TINF2: variants seen among roughly 807,000 people sequenced by gnomAD.
TINF2 encodes TERF1-interacting nuclear factor 2.
TINF2 carries 27 observed loss-of-function variants against 50.4 expected under a neutral mutation model. The observed-to-expected ratio is 0.54, with a 90% CI of 0.40 to 0.74. The LOEUF (loss-of-function observed/expected upper bound fraction) is 0.74, where lower values mean the gene tolerates loss of function less well. Among genes scored for constraint, TINF2 ranks in the 30% least tolerant of loss-of-function variants. The pLI, the probability that TINF2 is intolerant of heterozygous loss-of-function variation, is 0.00. For synonymous variants in TINF2, 223 were observed against 214.6 expected (o/e 1.04, Z -0.34); for missense variants, 496 against 551.5 (o/e 0.90, Z 1.01).
In TINF2 at chr14:24,241,750, CA is replaced by C; in HGVS notation, c.323del (p.Leu108TrpfsTer11). 6.2e-7 allele frequency: 1 copy of C among 1,613,732 alleles called. No individual in the cohort carries two copies. Among genetic ancestry groups the C allele is most frequent in the Non-Finnish European group, 8.5e-7 (1 of 1,179,860 alleles). Reference sequence around the variant, plus strand: ...GCTGGTAAAAAGTTTCCTGTGCCTCCAAAATCTTCCTCAGATCCTGCTTTGT... The same window carrying C: ...GCTGGTAAAAAGTTTCCTGTGCCTCCAAATCTTCCTCAGATCCTGCTTTGT... ...KATKQDLRKI[L>X]EAQETFYQQV... On this transcript the variant is annotated frameshift_variant, in exon 3 of 9. Coordinates refer to ENST00000267415, the MANE Select transcript of TINF2 (RefSeq NM_001099274.3). LOFTEE classifies it high-confidence loss of function.
chr14:24,242,047 A>C (rs749096002), intron 1 of TINF2, 53 bp from the exon 2 acceptor site: 3 of 1,614,020 alleles, frequency 1.9e-6, no homozygotes, highest in Non-Finnish European at 2.5e-6. Context: ...GACCTTTTCC[A>C]ACTAGTCTCA....
At chr14:24,239,965 C>T (rs759132865) in intron 8 of TINF2, 34 bp from the exon 9 acceptor site, 5 of 1,614,152 alleles carry the variant, frequency 3.1e-6, no homozygotes, top group South Asian at 2.2e-5. Context: ...GCCTACTATC[C>T]GAAACCATTC....
rs1566368088 is a variant in TINF2 at position 24,241,127 on chromosome 14, G to A, written c.508-11C>T. 6.2e-7 allele frequency: 1 copy of A among 1,614,118 alleles called. No homozygotes were observed. Among genetic ancestry groups the A allele is most frequent in the Non-Finnish European group, 8.5e-7 (1 of 1,180,016 alleles). On this transcript the variant is annotated splice_polypyrimidine_tract_variant and intron_variant, in intron 4 of 8. Transcript: ENST00000267415. ...CAGCACATCCTGAAGCTGTGGGCAG[G>A]GACAGAGGTATGAAGACCACAATCC...
In TINF2 at chr14:24,239,643, T is replaced by C. The variant is rs2040519978; in HGVS notation, c.*154A>G. On this transcript the variant is annotated 3_prime_UTR_variant, in exon 9 of 9. Coordinates refer to ENST00000267415, the MANE Select transcript of TINF2 (RefSeq NM_001099274.3). ...TCCCCTCCTTCACATCAAGGCAGTA[T>C]TTTAACAAATCCAAAGTTTAATTAT... 1.3e-6 allele frequency: 2 copies of C among 1,535,790 alleles called. No individual in the cohort carries two copies. Among genetic ancestry groups the C allele is most frequent in the Non-Finnish European group, 1.7e-6 (2 of 1,144,936 alleles).
In TINF2 at chr14:24,241,286, G is replaced by C. The variant is rs770995315; in HGVS notation, c.425C>G (p.Pro142Arg). The change falls in exon 4 of 9, where the codon CCC becomes CGC. Residue 142 changes from proline to arginine, a missense_variant. By Grantham distance (103) the Pro-to-Arg change is moderately radical. Around this residue, in one of 3 missense-constraint regions of TINF2, gnomAD observed 314 missense variants for 343.8 expected, o/e 0.91. Coordinates refer to ENST00000267415, the MANE Select transcript of TINF2 (RefSeq NM_001099274.3). The stretch of plus-strand genomic sequence containing the variant: ...CAGCTTTTCCATGGCAGCCAGAAAG[G>C]GTTCCCCATACTCTTGTTCAAGTTC... ...LQELEQEYGEPFLAAMEKLLF... is the reference protein window; with the variant it reads ...LQELEQEYGERFLAAMEKLLF... The C allele has an allele frequency of 1.9e-6, 3 of 1,614,102 alleles. No homozygotes were observed. The highest frequency in any genetic ancestry group is 2.5e-6 in the Non-Finnish European group (3 of 1,180,038).
intron 2 of TINF2, 44 bp downstream of exon 2, chr14:24,241,846 A>C (rs2040586620): frequency 1.2e-6 from 2 of 1,613,202 alleles, no homozygotes; most frequent in Non-Finnish European, 1.7e-6. Context: ...ACTTTGCTGC[A>C]CCAAGTGTAA....
At position 24,240,709 on chromosome 14, in the gene TINF2, G is replaced by A. The variant is rs75124018; in HGVS notation, c.771C>T (p.His257=). ...GTCGGCCTAGAGGGGCCAGATTGAA[G>A]TGTCGGCCAGCTAGAGGTTCTGGGT... ...RTHPEPLAGR[H]FNLAPLGRRR... Residue 257 remains histidine (H), a synonymous_variant, in exon 6 of 9, where the codon CAC becomes CAT. Coordinates refer to ENST00000267415, the MANE Select transcript of TINF2 (RefSeq NM_001099274.3). 1.3e-3 allele frequency: 2,150 copies of A among 1,613,880 alleles called. 1 individual carries two copies. The highest frequency in any genetic ancestry group is 1.6e-3 in the Non-Finnish European group (1,857 of 1,179,900).
rs1178682105 is a variant in TINF2 at position 24,242,278 on chromosome 14, T to C, written c.55A>G (p.Ser19Gly). The C allele has an allele frequency of 6.2e-7, 1 of 1,613,824 alleles. No homozygotes were observed. The highest frequency in any genetic ancestry group is 8.5e-7 in the Non-Finnish European group (1 of 1,180,012). The change falls in exon 1 of 9, where the codon AGC (serine) becomes GGC (glycine). Residue 19 changes from serine to glycine, a missense_variant. Physicochemically the swap from Ser to Gly is moderately conservative, Grantham distance 56. Coordinates refer to ENST00000267415, the MANE Select transcript of TINF2 (RefSeq NM_001099274.3). ...PAALRFAAAA[S>G]WQVVRGRCVE... is the part of the protein sequence containing the mutation. ...CAGCGTCCGCGCACAACCTGCCAGC[T>C]AGCCGCGGCGGCGAAGCGTAGAGCT... is the stretch of plus-strand genomic sequence containing the variant.
Position 24,240,806 on chromosome 14 carries a change from A to C in TINF2, c.674T>G (p.Leu225Arg). ...MEQNPPQQQRLALHNPLPKAK... is the reference protein window; with the variant it reads ...MEQNPPQQQRRALHNPLPKAK... ...TTTTGGCAGGGGATTGTGGAGTGCT[A>C]GTCTTTGTTGCTGAGGAGGATTCTG... is the stretch of plus-strand genomic sequence containing the variant. Residue 225 changes from leucine (L) to arginine (R), a missense_variant, in exon 6 of 9, where the codon CTA (leucine) becomes CGA (arginine). Leu to Arg is a moderately radical substitution (Grantham distance 102, BLOSUM62 -2). Coordinates refer to ENST00000267415, the MANE Select transcript of TINF2 (RefSeq NM_001099274.3). 6.2e-7 allele frequency: 1 copy of C among 1,614,056 alleles called. No individual in the cohort carries two copies. Among genetic ancestry groups the C allele is most frequent in the South Asian group, 1.1e-5 (1 of 91,086 alleles).
At position 24,241,733 on chromosome 14, in the gene TINF2, A is replaced by G. The variant is rs1480351287; in HGVS notation, c.341T>C (p.Phe114Ser). ...LRKILEAQET[F>S]YQQVKQLSEA... ...TGACAGCTGCTTCACCTGCTGGTAA[A>G]AAGTTTCCTGTGCCTCCAAAATCTT... The change falls in exon 3 of 9, where the codon TTT (phenylalanine) becomes TCT (serine). Residue 114 changes from phenylalanine (F) to serine (S), a missense_variant. Around this residue, in one of 3 missense-constraint regions of TINF2, gnomAD observed 314 missense variants for 343.8 expected, o/e 0.91. Coordinates refer to ENST00000267415, the MANE Select transcript of TINF2 (RefSeq NM_001099274.3). 1 of 1,613,534 alleles carries G rather than the reference A, an allele frequency of 6.2e-7. No individual in the cohort carries two copies. The highest frequency in any genetic ancestry group is 8.5e-7 in the Non-Finnish European group (1 of 1,179,826).
At position 24,240,382 on chromosome 14, in the gene TINF2, A is replaced by G. The variant is rs150248489; in HGVS notation, c.1061+37T>C. The stretch of plus-strand genomic sequence containing the variant: ...AGGATGAAGGGAAGGCAGGCAAAGA[A>G]TGTGCTCCTAGTAAGAAGCAACTCT... On this transcript the variant is annotated intron_variant, in intron 6 of 8. Coordinates refer to ENST00000267415, the MANE Select transcript of TINF2 (RefSeq NM_001099274.3). 453 of 1,614,106 alleles carry G rather than the reference A, an allele frequency of 2.8e-4. 1 individual carries two copies. The African/African-American group carries it at 4.6e-3, about 16-fold the overall frequency.
Position 24,242,219 on chromosome 14 carries a change from CAG to C in TINF2, c.112_113del (p.Leu38AlafsTer98). On this transcript the variant is annotated frameshift_variant, in exon 1 of 9. Coordinates refer to ENST00000267415, the MANE Select transcript of TINF2 (RefSeq NM_001099274.3). LOFTEE classifies it high-confidence loss of function. ...VEHFPRVLEF[L>X]RSLRAVAPGL... ...CAGGGGCAACAGCGCGCAGAGATCG[CAG>C]AAACTCCAGTACTCGCGGAAAATGT... 6.2e-7 allele frequency: 1 copy of C among 1,614,266 alleles called. No individual in the cohort carries two copies. The highest frequency in any genetic ancestry group is 8.5e-7 in the Non-Finnish European group (1 of 1,180,036).
Position 24,242,470 on chromosome 14 carries a change from T to C in TINF2, c.-138A>G. ...TGTCGGCTCTGGGTACCTCGCGATC[T>C]GACTCGGCTCCCTTCCATCGGCCCC... On this transcript the variant is annotated 5_prime_UTR_variant, in exon 1 of 9. Coordinates refer to ENST00000267415, the MANE Select transcript of TINF2 (RefSeq NM_001099274.3). 6.9e-7 allele frequency: 1 copy of C among 1,439,632 alleles called. No individual in the cohort carries two copies. The highest frequency in any genetic ancestry group is 9.1e-7 in the Non-Finnish European group (1 of 1,103,174). The allele number at this position is 1,439,632 out of a possible 1,614,324, so 89.2% of individuals were successfully genotyped here. A position where few individuals can be genotyped will look rare whatever the true frequency, so the allele number is the denominator to read the frequency against.
Position 24,240,497 on chromosome 14 carries a change from G to C in TINF2, c.983C>G (p.Ser328Cys). 1 of 1,614,210 alleles carries C rather than the reference G, an allele frequency of 6.2e-7. No individual in the cohort carries two copies. Among genetic ancestry groups the C allele is most frequent in the East Asian group, 2.2e-5 (1 of 44,882 alleles). The stretch of plus-strand genomic sequence containing the variant: ...CCCCAGGGTCTGGCATGGACTCTTA[G>C]ACTTCCCAGTGGAGGCTGCTCTTGT... ...MGTRAASTGK[S>C]KSPCQTLGGR... The change falls in exon 6 of 9, where the codon TCT becomes TGT. Residue 328 changes from serine to cysteine, a missense_variant. Ser to Cys is a moderately radical substitution (Grantham distance 112). This residue lies in a region of TINF2 where 179 missense variants were observed against 188.3 expected (regional missense o/e 0.95). Transcript: ENST00000267415.
At position 24,242,615 on chromosome 14, in the gene TINF2, G is replaced by C. The variant is rs1022502772; in HGVS notation, c.-283C>G. On this transcript the variant is annotated 5_prime_UTR_variant, in exon 1 of 9. Coordinates refer to ENST00000267415, the MANE Select transcript of TINF2 (RefSeq NM_001099274.3). ...AACGTCGCCGCTGTCTCGAGCCCGA[G>C]GGTGCCTCACTTCCGGCTCCGCTAC... 66 of 1,276,272 alleles carry C rather than the reference G, an allele frequency of 5.2e-5. No homozygotes were observed. The Admixed American group carries it at 7.1e-4, about 14-fold the overall frequency. The allele number at this position is 1,276,272 out of a possible 1,614,324, so 79.1% of individuals were successfully genotyped here.
Position 24,240,337 on chromosome 14 carries a change from T to G in TINF2, c.1062-7A>C. On this transcript the variant is annotated splice_polypyrimidine_tract_variant and splice_region_variant and intron_variant, in intron 6 of 8. Coordinates refer to ENST00000267415, the MANE Select transcript of TINF2 (RefSeq NM_001099274.3). Reference sequence around the variant, plus strand: ...GTAGCAATCCAAGCAATTCCTGAGGTGAGAGCAAGCAAAGAGGATAGGATG... The same window carrying G: ...GTAGCAATCCAAGCAATTCCTGAGGGGAGAGCAAGCAAAGAGGATAGGATG... 6.2e-7 allele frequency: 1 copy of G among 1,613,700 alleles called. No homozygotes were observed. The highest frequency in any genetic ancestry group is 8.5e-7 in the Non-Finnish European group (1 of 1,179,950).
At position 24,241,743 on chromosome 14, in the gene TINF2, G is replaced by T; in HGVS notation, c.331C>A (p.Gln111Lys). The change falls in exon 3 of 9, where the codon CAG (glutamine) becomes AAG (lysine). Residue 111 changes from glutamine (Q) to lysine (K), a missense_variant. By Grantham distance (53) the Gln-to-Lys change is moderately conservative (BLOSUM62 1). Coordinates refer to ENST00000267415, the MANE Select transcript of TINF2 (RefSeq NM_001099274.3). The stretch of plus-strand genomic sequence containing the variant: ...TTCACCTGCTGGTAAAAAGTTTCCT[G>T]TGCCTCCAAAATCTTCCTCAGATCC... Reference protein sequence around the residue: ...KQDLRKILEAQETFYQQVKQL... With the variant: ...KQDLRKILEAKETFYQQVKQL... The T allele has an allele frequency of 2.5e-6, 4 of 1,613,708 alleles. No homozygotes were observed. The African/African-American group carries it at 4.0e-5, about 16-fold the overall frequency.
At position 24,240,829 on chromosome 14, in the gene TINF2, C is replaced by A. The variant is rs1271444952; in HGVS notation, c.651G>T (p.Gln217His). Residue 217 changes from glutamine (Q) to histidine (H), a missense_variant, in exon 6 of 9, where the codon CAG becomes CAT. Transcript: ENST00000267415. Reference sequence around the variant, plus strand: ...CTAGTCTTTGTTGCTGAGGAGGATTCTGTTCCATGGGCTCAGCCAGGTTCA... The same window carrying A: ...CTAGTCTTTGTTGCTGAGGAGGATTATGTTCCATGGGCTCAGCCAGGTTCA... ...DSVNLAEPME[Q>H]NPPQQQRLAL... 6.2e-7 allele frequency: 1 copy of A among 1,614,042 alleles called. No individual in the cohort carries two copies. The highest frequency in any genetic ancestry group is 1.1e-5 in the South Asian group (1 of 91,086).
intron 6 of TINF2, 31 bp from the exon 7 acceptor site, chr14:24,240,361 T>C (rs754341785): frequency 1.6e-5 from 26 of 1,613,832 alleles, no homozygotes; most frequent in Non-Finnish European, 7.6e-6. Context: ...GAGGATAGGA[T>C]GAAGGGAAGG....
Sources: allele counts gnomAD v4.1 joint callset, GRCh38; gene constraint gnomAD v4.1.1; regional missense constraint gnomAD v4.1.1; transcripts MANE v1.5; gene names NCBI Gene and HGNC (gene_info 2026-07-23, HGNC 2026-07-21).